Variants in DPY19L1 observed in about 807,000 individuals in gnomAD.
The protein encoded by DPY19L1 is dpy-19 like C-mannosyltransferase 1.
Under a neutral mutation model 96.9 loss-of-function variants are expected in DPY19L1, and 35 were observed. That is an observed-to-expected ratio of 0.36 (90% confidence interval 0.28 to 0.48). The LOEUF (loss-of-function observed/expected upper bound fraction) is 0.48. Ranked by LOEUF, DPY19L1 falls within the 20% of genes least tolerant of loss-of-function variation. The probability of loss-of-function intolerance (pLI) is 0.99; values close to 1 mark genes in which losing one functional copy is unlikely to be tolerated. For missense variants in DPY19L1, 521 were observed against 777.9 expected (o/e 0.67, Z 3.93); for synonymous variants, 205 against 252.6 (o/e 0.81, Z 1.79).
upstream of DPY19L1, chr7:35,037,768 ACTTCCGGCGCAGGCGGGGC>A: frequency 5.3e-6 from 6 of 1,140,808 alleles, no homozygotes; most frequent in Non-Finnish European, 5.4e-6. Flanking sequence ...GCACGCGCGG[ACTTCCGGCGCAGGCGGGGC>A]CCGACCCCTC....
chr7:35,037,970 G>A, upstream of DPY19L1: 1 of 1,155,060 alleles, frequency 8.7e-7, no homozygotes, highest in Non-Finnish European at 1.1e-6. Context: ...AGCCTGTTAA[G>A]GCTGCGCTTG....
chr7:34,958,053 A>G lies in DPY19L1; in HGVS notation c.1110T>C (p.Cys370=). ...TTGAGTTCCCAAACATCAAAACAAAACAAAGTGCAAGAGAAATCTGGAAAA... is the reference window on the plus strand; with the variant it reads ...TTGAGTTCCCAAACATCAAAACAAAGCAAAGTGCAAGAGAAATCTGGAAAA... ...IYIHMISLAL[C]FVLMFGNSML... Residue 370 remains cysteine (C), a synonymous_variant, in exon 11 of 22, where the codon TGT becomes TGC. Coordinates refer to ENST00000638088, the MANE Select transcript of DPY19L1 (RefSeq NM_001366673.1). The G allele has an allele frequency of 5.1e-6, 8 of 1,583,356 alleles. No individual in the cohort carries two copies. The highest frequency in any genetic ancestry group is 6.8e-6 in the Non-Finnish European group (8 of 1,171,446).
intron 6 of DPY19L1, among the ~76,000 whole-genome samples, chr7:35,008,518 T>C (rs1269973147): frequency 1.3e-5 from 2 of 152,202 alleles, no homozygotes; most frequent in African/African-American, 2.4e-5. Context: ...AACGGATGTT[T>C]ACAAATTCTT....
chr7:34,953,179 T>C (rs1784304654), intron 13 of DPY19L1, among the ~76,000 whole-genome samples: 1 of 152,188 alleles, frequency 6.6e-6, no homozygotes, highest in Non-Finnish European at 1.5e-5. Flanking sequence ...GCCACTATCT[T>C]CCTTTAACCA....
chr7:34,967,622 GGT>G (rs1784638719), intron 9 of DPY19L1, among the ~76,000 whole-genome samples: 1 of 152,048 alleles, frequency 6.6e-6, no homozygotes, highest in Non-Finnish European at 1.5e-5. Flanking sequence ...ATTAAATGAT[GGT>G]ATAGTATCTA....
Position 34,955,197 on chromosome 7 carries a change from A to C in DPY19L1, c.1239+111T>G, listed in dbSNP as rs1425014818. On this transcript the variant is annotated intron_variant, in intron 12 of 21. Coordinates refer to ENST00000638088, the MANE Select transcript of DPY19L1 (RefSeq NM_001366673.1). ...AAACTGAGCCCTAAAATACTATAAA[A>C]CTGTTGGATCCCCTGAGTTGCATAG... 9 of 1,336,902 alleles carry C rather than the reference A, an allele frequency of 6.7e-6. No homozygotes were observed. In the Admixed American group the frequency reaches 2.1e-4, roughly 32 times the overall value. 82.8% of individuals were successfully genotyped at this position (1,336,902 alleles called of 1,614,324 possible).
intron 16 of DPY19L1, among the ~76,000 whole-genome samples, chr7:34,944,662 G>A (rs999634873): frequency 6.6e-6 from 1 of 152,186 alleles, no homozygotes; most frequent in African/African-American, 2.4e-5. Context: ...CAGAAAGATA[G>A]CCTAACATTC....
upstream of DPY19L1, chr7:35,037,766 G>C (rs1304797454): frequency 3.5e-6 from 4 of 1,133,226 alleles, no homozygotes; most frequent in East Asian, 1.6e-4. Flanking sequence ...GCGCACGCGC[G>C]GACTTCCGGC....
At chr7:34,994,272 A>G (rs1437614810) in intron 6 of DPY19L1, among the ~76,000 whole-genome samples, 2 of 152,196 alleles carry the variant, frequency 1.3e-5, no homozygotes, top group African/African-American at 4.8e-5. Context: ...TACAGAGATT[A>G]CACATCATTT....
In DPY19L1 at chr7:34,939,439, G is replaced by GTGT. The variant is rs548943541; in HGVS notation, c.1865-67_1865-65dup. ...GAAGGCGAGAAGGTGTCTCCTTCAA[G>GTGT]TGTAAATCAATTATTTCACAGGTAA... is the stretch of plus-strand genomic sequence containing the variant. On this transcript the variant is annotated intron_variant, in intron 19 of 21. Coordinates refer to ENST00000638088, the MANE Select transcript of DPY19L1 (RefSeq NM_001366673.1). 359 of 1,393,266 alleles carry GTGT rather than the reference G, an allele frequency of 2.6e-4. 1 individual carries two copies. In the South Asian group the frequency reaches 4.2e-3, roughly 16 times the overall value. The allele number at this position is 1,393,266 out of a possible 1,614,324, so 86.3% of individuals were successfully genotyped here. A position where few individuals can be genotyped will look rare whatever the true frequency, so the allele number is the denominator to read the frequency against.
chr7:35,033,527 T>A (rs1213753192), intron 1 of DPY19L1, among the ~76,000 whole-genome samples: 1 of 152,200 alleles, frequency 6.6e-6, no homozygotes, highest in South Asian at 2.1e-4. Context: ...ATCTCATTTA[T>A]TTTTTACCAT....
intron 21 of DPY19L1, among the ~76,000 whole-genome samples, chr7:34,934,652 T>C (rs1783828264): frequency 6.6e-6 from 1 of 152,172 alleles, no homozygotes; most frequent in African/African-American, 2.4e-5. Flanking sequence ...GGTTTTGGGA[T>C]GAAATTGTTT....
rs372434670 is a variant in DPY19L1, at chr7:34,941,729, T to A, written c.1689+36A>T. ...GGCCACTCAATAATAAAGGCTAAAA[T>A]TATCATAGTAGCTATACTCCAACAT... On this transcript the variant is annotated intron_variant, in intron 18 of 21. Transcript: ENST00000638088. The A allele has an allele frequency of 1.9e-4, 309 of 1,593,622 alleles. No individual in the cohort carries two copies. In the African/African-American group the frequency reaches 3.7e-3, roughly 19 times the overall value.
rs2128685936 is a variant in DPY19L1 at position 35,037,356 on chromosome 7, A to G, written c.39T>C (p.Ala13=). ...CGCGGGGTGGCTGGGGCGGCTTGGG[A>G]GCCGCCTCCCGGTGCTTGTTCCGCG... ...LQARNKHREA[A]PKPPQPPRAS... Residue 13 remains alanine (A), a synonymous_variant, in exon 1 of 22, where the codon GCT becomes GCC. Coordinates refer to ENST00000638088, the MANE Select transcript of DPY19L1 (RefSeq NM_001366673.1). The G allele has an allele frequency of 2.8e-6, 1 of 355,424 alleles. No individual in the cohort carries two copies. Among genetic ancestry groups the G allele is most frequent in the Non-Finnish European group, 5.0e-6 (1 of 198,686 alleles). 22.0% of individuals were successfully genotyped at this position (355,424 alleles called of 1,614,324 possible). A position where few individuals can be genotyped will look rare whatever the true frequency, so the allele number is the denominator to read the frequency against.
chr7:35,021,448 C>A (rs2128680969), intron 1 of DPY19L1, among the ~76,000 whole-genome samples: 1 of 152,352 alleles, frequency 6.6e-6, no homozygotes, highest in East Asian at 1.9e-4. Flanking sequence ...GTCCATTCAT[C>A]ATCTGCCCAA....
chr7:34,974,890 T>A (rs1167796714), intron 7 of DPY19L1, among the ~76,000 whole-genome samples: 1 of 152,182 alleles, frequency 6.6e-6, no homozygotes, highest in African/African-American at 2.4e-5. Context: ...TATTACTATA[T>A]CTGCTACGGT....
rs147240913 is a variant in DPY19L1, at chr7:35,013,204, C to T, written c.549+364G>A. ...TCATCTCCACTTGCTGGATTGGGCT[C>T]ACCTTCCCTCCACTCCCACTCAAGA... On this transcript the variant is annotated intron_variant, in intron 4 of 21. Coordinates refer to ENST00000638088, the MANE Select transcript of DPY19L1 (RefSeq NM_001366673.1). Among the ~76,000 whole-genome samples, 61 of 152,250 alleles carry T rather than the reference C, an allele frequency of 4.0e-4. No homozygotes were observed. The East Asian group carries it at 9.8e-3, about 25-fold the overall frequency.
intron 15 of DPY19L1, among the ~76,000 whole-genome samples, chr7:34,946,895 A>G (rs1462838071): frequency 6.6e-6 from 1 of 152,262 alleles, no homozygotes; most frequent in Non-Finnish European, 1.5e-5. Context: ...TATACAAAGC[A>G]GAGTACAAAT....
rs750707945 is a variant in DPY19L1 at position 34,940,408 on chromosome 7, G to C, written c.1690-81C>G. Reference sequence around the variant, plus strand: ...TTATGCAAAACTTCTTCCCAGAGAAGAATAAGGCCTCTGCTAGAGTCCCAA... The same window carrying C: ...TTATGCAAAACTTCTTCCCAGAGAACAATAAGGCCTCTGCTAGAGTCCCAA... On this transcript the variant is annotated intron_variant, in intron 18 of 21. Transcript: ENST00000638088. 1.8e-5 allele frequency: 22 copies of C among 1,195,502 alleles called. No homozygotes were observed. In the African/African-American group the frequency reaches 2.9e-4, roughly 16 times the overall value. The allele number at this position is 1,195,502 out of a possible 1,614,324, so 74.1% of individuals were successfully genotyped here.
Sources: allele counts gnomAD v4.1 joint callset (sites outside exome capture counted in the v4.1 genomes callset), GRCh38; gene constraint gnomAD v4.1.1; transcripts MANE v1.5; gene names NCBI Gene and HGNC (gene_info 2026-07-23, HGNC 2026-07-21).